ASTN1: variants seen among roughly 807,000 people sequenced by gnomAD.
ASTN1 encodes astrotactin 1.
Under a neutral mutation model 140.7 loss-of-function variants are expected in ASTN1, and 41 were observed. That is an observed-to-expected ratio of 0.29 (90% CI 0.23 to 0.38). The LOEUF (loss-of-function observed/expected upper bound fraction) is 0.38, where lower values mean the gene tolerates loss of function less well. ASTN1 is among the 10% of genes least tolerant of loss of function. The probability of loss-of-function intolerance (pLI) is 1.00; values close to 1 mark genes in which losing one functional copy is unlikely to be tolerated. For missense variants in ASTN1, 1,479 were observed against 1,678.8 expected (o/e 0.88, Z 2.08); for synonymous variants, 640 against 652.2 (o/e 0.98, Z 0.29).
chr1:176,914,296 G>C (rs535192502), intron 16 of ASTN1, among the ~76,000 whole-genome samples: 1 of 152,178 alleles, frequency 6.6e-6, no homozygotes, highest in Non-Finnish European at 1.5e-5. Context: ...TTGGAGGAGA[G>C]AGGACATGAG....
chr1:177,013,394 A>G (rs1365006413), intron 8 of ASTN1, among the ~76,000 whole-genome samples: 1 of 152,122 alleles, frequency 6.6e-6, no homozygotes, highest in African/African-American at 2.4e-5. Flanking sequence ...ATGGGCATCT[A>G]TCATGCCTTG....
intron 17 of ASTN1, among the ~76,000 whole-genome samples, chr1:176,890,746 C>T (rs1175631554): frequency 6.6e-6 from 1 of 152,220 alleles, no homozygotes; most frequent in East Asian, 1.9e-4. Flanking sequence ...CTACTCTGGG[C>T]AGGGTATGGT....
chr1:176,984,643 T>C (rs1421217724), intron 8 of ASTN1, among the ~76,000 whole-genome samples: 1 of 152,148 alleles, frequency 6.6e-6, no homozygotes, highest in Non-Finnish European at 1.5e-5. Context: ...GGAAGACCAT[T>C]CTATTTTGAA....
chr1:176,937,092 C>G (rs894261456), intron 14 of ASTN1, among the ~76,000 whole-genome samples: 2 of 152,138 alleles, frequency 1.3e-5, no homozygotes, highest in Non-Finnish European at 2.9e-5. Context: ...CTATAATATC[C>G]CCATAGCAAA....
chr1:176,868,821 G>C lies in ASTN1; in HGVS notation c.3647+23C>G, dbSNP rs1482069217. The C allele has an allele frequency of 3.2e-6, 5 of 1,577,122 alleles. No homozygotes were observed. The East Asian group carries it at 9.1e-5, about 29-fold the overall frequency. On this transcript the variant is annotated intron_variant, in intron 22 of 22. Coordinates refer to ENST00000361833, the MANE Select transcript of ASTN1 (RefSeq NM_004319.3). Reference sequence around the variant, plus strand: ...CAAAATTTCAAGAAGTCTTTAAAAGGGTTGACTTAGTTTATTGATTACCTG... The same window carrying C: ...CAAAATTTCAAGAAGTCTTTAAAAGCGTTGACTTAGTTTATTGATTACCTG...
At chr1:176,999,839 C>T (rs990706448) in intron 8 of ASTN1, among the ~76,000 whole-genome samples, 6 of 152,254 alleles carry the variant, frequency 3.9e-5, no homozygotes, top group Non-Finnish European at 7.3e-5. Context: ...GGCACTTATT[C>T]TCTCTCCTGC....
intron 1 of ASTN1, among the ~76,000 whole-genome samples, chr1:177,087,649 C>T (rs1000277750): frequency 1.3e-5 from 2 of 152,208 alleles, no homozygotes; most frequent in Non-Finnish European, 2.9e-5. Context: ...TCCCCGTAGT[C>T]TGCTAGTCCG....
intron 8 of ASTN1, among the ~76,000 whole-genome samples, chr1:176,980,031 T>G (rs760263967): frequency 6.6e-6 from 1 of 152,258 alleles, no homozygotes; most frequent in Non-Finnish European, 1.5e-5. Context: ...AGAAAAACCA[T>G]GTGGAGCGTT....
chr1:177,009,136 C>T (rs1675157134), intron 8 of ASTN1, among the ~76,000 whole-genome samples: 1 of 152,214 alleles, frequency 6.6e-6, no homozygotes, highest in Non-Finnish European at 1.5e-5. Context: ...CTCAACATGC[C>T]AGTCACTGCC....
chr1:177,036,707 C>A (rs1381279648), intron 2 of ASTN1, among the ~76,000 whole-genome samples: 1 of 152,228 alleles, frequency 6.6e-6, no homozygotes, highest in African/African-American at 2.4e-5. Context: ...TAGGAAAAGG[C>A]AGGGGTCTAG....
At chr1:177,103,148 G>T (rs1680379813) in intron 1 of ASTN1, among the ~76,000 whole-genome samples, 1 of 152,220 alleles carries the variant, frequency 6.6e-6, no homozygotes, top group Non-Finnish European at 1.5e-5. Flanking sequence ...AGTGCAGAAA[G>T]CACTGAGTGA....
At chr1:177,130,253 T>C (rs1681878446) in intron 1 of ASTN1, among the ~76,000 whole-genome samples, 1 of 152,174 alleles carries the variant, frequency 6.6e-6, no homozygotes, top group Non-Finnish European at 1.5e-5. Flanking sequence ...GAGATAAAAC[T>C]AGGCTTTGGC....
At chr1:176,993,168 G>A (rs1674270257) in intron 8 of ASTN1, among the ~76,000 whole-genome samples, 1 of 152,186 alleles carries the variant, frequency 6.6e-6, no homozygotes, top group Non-Finnish European at 1.5e-5. Flanking sequence ...AAGCCACTCA[G>A]TCTATGGTAT....
chr1:176,857,395 A>C (rs1667845816), downstream of ASTN1: 3 of 398,108 alleles, frequency 7.5e-6, no homozygotes, highest in Non-Finnish European at 1.3e-5. Context: ...CCACAGAGGA[A>C]GTTCAAGATG....
At chr1:177,108,499 G>T (rs567899353) in intron 1 of ASTN1, among the ~76,000 whole-genome samples, 1 of 152,004 alleles carries the variant, frequency 6.6e-6, no homozygotes, top group Non-Finnish European at 1.5e-5. Flanking sequence ...TGTCTTCAAG[G>T]TTTCTCCATA....
intron 8 of ASTN1, among the ~76,000 whole-genome samples, chr1:177,014,579 C>T (rs746807779): frequency 2.6e-5 from 4 of 152,126 alleles, no homozygotes; most frequent in East Asian, 1.9e-4. Context: ...TGCAGGGCTG[C>T]GAGTCAGAGG....
chr1:177,011,046 G>T (rs1341587848), intron 8 of ASTN1, among the ~76,000 whole-genome samples: 5 of 152,074 alleles, frequency 3.3e-5, no homozygotes, highest in African/African-American at 1.2e-4. Context: ...AGACCTCTTT[G>T]CTATCTAGTC....
At chr1:176,871,497 A>T (rs536856989) in intron 21 of ASTN1, among the ~76,000 whole-genome samples, 2 of 152,248 alleles carry the variant, frequency 1.3e-5, no homozygotes, top group East Asian at 3.9e-4. Context: ...TCATTCTCAT[A>T]ACATAGTAGT....
rs374038452 is a variant in ASTN1 at position 176,884,348 on chromosome 1, C to T, written c.3217G>A (p.Val1073Met). The change falls in exon 19 of 23, where the codon GTG becomes ATG. Residue 1073 changes from valine (V) to methionine (M), a missense_variant. Transcript: ENST00000361833. Reference sequence around the variant, plus strand: ...AGTAGAAGGTGCTCACCTGTCTCCACTTTGGAGTGGTCCATCCTGTCAGTG... The same window carrying T: ...AGTAGAAGGTGCTCACCTGTCTCCATTTTGGAGTGGTCCATCCTGTCAGTG... Reference protein sequence around the residue: ...KVTDRMDHSKVETETVLSFVD... With the variant: ...KVTDRMDHSKMETETVLSFVD... 1.1e-5 allele frequency: 18 copies of T among 1,613,904 alleles called. No individual in the cohort carries two copies. The African/African-American group carries it at 2.4e-4, about 22-fold the overall frequency.
Sources: allele counts gnomAD v4.1 joint callset (sites outside exome capture counted in the v4.1 genomes callset), GRCh38; gene constraint gnomAD v4.1.1; transcripts MANE v1.5; gene names NCBI Gene and HGNC (gene_info 2026-07-23, HGNC 2026-07-21).